The following TLN2 variants were observed in gnomAD, a reference collection of about 807,000 sequenced individuals.
The protein encoded by TLN2 is talin 2.
In TLN2, 118 loss-of-function variants were observed where a neutral mutation model predicts 294.7. That is an observed-to-expected ratio of 0.40 (90% confidence interval 0.34 to 0.47). TLN2 has a LOEUF of 0.47. TLN2 is among the 20% of genes least tolerant of loss of function. The pLI, the probability that TLN2 is intolerant of heterozygous loss-of-function variation, is 0.84. For missense variants in TLN2, 3,083 were observed against 3,282.2 expected (o/e 0.94, Z 1.48); for synonymous variants, 1,431 against 1,304.5 (o/e 1.10, Z -2.09).
Position 62,776,862 on chromosome 15 carries a change from GGGGCTGGTTGGGGGCATGGT to G in TLN2, c.5469_5488del (p.Leu1824ArgfsTer11). 1 of 1,599,192 alleles carries G rather than the reference GGGGCTGGTTGGGGGCATGGT, an allele frequency of 6.3e-7. No individual in the cohort carries two copies. The highest frequency in any genetic ancestry group is 8.5e-7 in the Non-Finnish European group (1 of 1,172,544). ...CGCTGAACGAAGCTGCCAGTGAAGTGGGGCTGGTTGGGGGCATGGTGGACGCCATTGCAGAAGCCATGAGC... is the reference window on the plus strand; with the variant it reads ...CGCTGAACGAAGCTGCCAGTGAAGTGGGACGCCATTGCAGAAGCCATGAGC... On this transcript the variant is annotated frameshift_variant, in exon 43 of 59. Coordinates refer to ENST00000636159, the MANE Select transcript of TLN2 (RefSeq NM_015059.3). LOFTEE classifies it high-confidence loss of function.
chr15:62,688,264 C>A (rs1386560180), intron 12 of TLN2, among the ~76,000 whole-genome samples: 1 of 152,106 alleles, frequency 6.6e-6, no homozygotes, highest in African/African-American at 2.4e-5. Context: ...GTGATTTTTT[C>A]CTTCCTACTC....
intron 1 of TLN2, among the ~76,000 whole-genome samples, chr15:62,540,277 T>A (rs993033681): frequency 6.6e-6 from 1 of 151,858 alleles, no homozygotes; most frequent in African/African-American, 2.4e-5. Context: ...AAGGCAGAGG[T>A]TGCAGTGAGC....
At chr15:62,779,326 C>T (rs1221896843) in intron 43 of TLN2, among the ~76,000 whole-genome samples, 1 of 152,126 alleles carries the variant, frequency 6.6e-6, no homozygotes, top group Non-Finnish European at 1.5e-5. Context: ...GATGTGGTAT[C>T]TTTTCTTTGT....
chr15:62,747,056 C>G (rs1256220863), intron 32 of TLN2, among the ~76,000 whole-genome samples: 1 of 152,118 alleles, frequency 6.6e-6, no homozygotes, highest in Non-Finnish European at 1.5e-5. Flanking sequence ...GGGGCTGGAA[C>G]TATGGGGCTT....
At chr15:62,689,651 C>T (rs1389657740) in intron 12 of TLN2, among the ~76,000 whole-genome samples, 3 of 151,668 alleles carry the variant, frequency 2.0e-5, no homozygotes, top group African/African-American at 7.3e-5. Flanking sequence ...TTGCCAGGTA[C>T]AGCATTTGGG....
chr15:62,800,846 T>C, intron 50 of TLN2, 77 bp downstream of exon 50: 4 of 1,266,858 alleles, frequency 3.2e-6, no homozygotes, highest in Non-Finnish European at 4.4e-6. Context: ...TTGAGGTTTT[T>C]TACCAATGAG....
At chr15:62,450,179 T>G (rs1340893214) in intron 1 of TLN2, among the ~76,000 whole-genome samples, 2 of 152,148 alleles carry the variant, frequency 1.3e-5, no homozygotes, top group African/African-American at 4.8e-5. Flanking sequence ...ACCTTGTGGC[T>G]TTTACTCATA....
At chr15:62,562,081 G>A (rs2043014073) in intron 1 of TLN2, among the ~76,000 whole-genome samples, 1 of 151,938 alleles carries the variant, frequency 6.6e-6, no homozygotes, top group Admixed American at 6.6e-5. Flanking sequence ...CGCGATACCT[G>A]GCACATAATA....
chr15:62,631,518 C>CCTTTCCTTTCCTTTCCTTTCCT (rs1555451272), intron 3 of TLN2, among the ~76,000 whole-genome samples: 8 of 89,678 alleles, frequency 8.9e-5, no homozygotes, highest in Admixed American at 1.4e-4. Context: ...TTCTTTCTTT[C>CCTTTCCTTTCCTTTCCTTTCCT]TTCCTTTCCT....
intron 1 of TLN2, among the ~76,000 whole-genome samples, chr15:62,505,221 T>G (rs879823387): frequency 1.3e-4 from 20 of 152,186 alleles, no homozygotes; most frequent in Non-Finnish European, 2.4e-4. Flanking sequence ...CCTCCCAAAG[T>G]GCTGGGATTA....
At chr15:62,581,638 T>A (rs1397739659) in intron 1 of TLN2, among the ~76,000 whole-genome samples, 1 of 152,178 alleles carries the variant, frequency 6.6e-6, no homozygotes, top group Non-Finnish European at 1.5e-5. Flanking sequence ...AAAGCCTTTG[T>A]TTGCTTTGGA....
intron 1 of TLN2, among the ~76,000 whole-genome samples, chr15:62,407,502 T>C (rs1212743841): frequency 1.3e-5 from 2 of 152,158 alleles, no homozygotes; most frequent in Admixed American, 1.3e-4. Context: ...TTCAAAGATA[T>C]GAGAACAAAT....
chr15:62,658,213 A>T, intron 9 of TLN2: 1 of 244,950 alleles, frequency 4.1e-6, no homozygotes, highest in Non-Finnish European at 7.7e-6. Flanking sequence ...AGTAGGGCCA[A>T]GGTGTGAACG....
intron 1 of TLN2, among the ~76,000 whole-genome samples, chr15:62,540,064 GTACAGTGGC>G (rs1385563994): frequency 6.6e-6 from 1 of 152,194 alleles, no homozygotes; most frequent in Non-Finnish European, 1.5e-5. Flanking sequence ...AACAGGCTGG[GTACAGTGGC>G]TCACACCTGT....
intron 1 of TLN2, among the ~76,000 whole-genome samples, chr15:62,582,244 A>ACCCC (rs1346271623): frequency 8.8e-5 from 9 of 102,726 alleles, no homozygotes; most frequent in Admixed American, 2.4e-4. Context: ...ACACACACAC[A>ACCCC]CACATTCATG....
intron 1 of TLN2, among the ~76,000 whole-genome samples, chr15:62,582,246 A>ACACCCCCC (rs764248336): frequency 2.2e-4 from 30 of 137,310 alleles, no homozygotes; most frequent in African/African-American, 7.9e-4. Flanking sequence ...ACACACACAC[A>ACACCCCCC]CATTCATGCC....
At chr15:62,489,543 C>T (rs1392313801) in intron 1 of TLN2, among the ~76,000 whole-genome samples, 2 of 152,148 alleles carry the variant, frequency 1.3e-5, no homozygotes, top group African/African-American at 2.4e-5. Flanking sequence ...CCACCCTGCC[C>T]CCAAAGCACA....
At chr15:62,441,832 C>T (rs1003707134) in intron 1 of TLN2, among the ~76,000 whole-genome samples, 4 of 152,184 alleles carry the variant, frequency 2.6e-5, no homozygotes, top group African/African-American at 9.7e-5. Context: ...GGACTGGGTT[C>T]AGACAAGCTT....
At chr15:62,619,849 G>C (rs1364231345) in intron 3 of TLN2, among the ~76,000 whole-genome samples, 1 of 152,170 alleles carries the variant, frequency 6.6e-6, no homozygotes, top group Non-Finnish European at 1.5e-5. Context: ...TATTGTTTTA[G>C]GACACCAAGT....
Sources: gnomAD v4.1 joint callset for allele counts (sites outside exome capture counted in the v4.1 genomes callset) on GRCh38, gnomAD v4.1.1 for gene constraint, MANE v1.5 for transcripts, NCBI Gene and HGNC (gene_info 2026-07-23, HGNC 2026-07-21) for gene names.